The following TMEM230 variants were observed in gnomAD, a reference collection of about 807,000 sequenced individuals.
TMEM230 encodes the protein UPF0414 transmembrane protein C20orf30.
In TMEM230, 10 loss-of-function variants were observed where a neutral mutation model predicts 15.8. The ratio of observed to expected loss-of-function variants is 0.63; its 90% CI spans 0.39 to 1.07. TMEM230 has a LOEUF of 1.07. Among genes scored for constraint, TMEM230 ranks in the 50% least tolerant of loss-of-function variants. TMEM230 has a pLI of 0.01. For missense variants in TMEM230, 165 were observed against 193.3 expected (o/e 0.85, Z 0.87); for synonymous variants, 67 against 76.9 (o/e 0.87, Z 0.68).
chr20:5,108,150 T>A (rs1278986184), intron 3 of TMEM230, among the ~76,000 whole-genome samples: 1 of 151,672 alleles, frequency 6.6e-6, no homozygotes, highest in Non-Finnish European at 1.5e-5. Flanking sequence ...CTGGGCAAGG[T>A]GGCTCACGCC....
In TMEM230 at chr20:5,109,353, G is replaced by A. The variant is rs150715254; in HGVS notation, c.267C>T (p.Asp89=). ...TTACCTGAAGGTCAATGTAGCCATCGTCTGTGCTGGAGAGCCTTGAATATT... is the reference window on the plus strand; with the variant it reads ...TTACCTGAAGGTCAATGTAGCCATCATCTGTGCTGGAGAGCCTTGAATATT... Residue 89 remains aspartate, a synonymous_variant, in exon 3 of 5, where the codon GAC becomes GAT. Coordinates refer to ENST00000342308, the MANE Select transcript of TMEM230 (RefSeq NM_001009923.2). 2.5e-6 allele frequency: 4 copies of A among 1,612,796 alleles called. No homozygotes were observed. The highest frequency in any genetic ancestry group is 2.2e-5 in the South Asian group (2 of 90,984).
intron 3 of TMEM230, among the ~76,000 whole-genome samples, chr20:5,091,436 C>CCTGACCTCAGGTGATCCA (rs2089503938): frequency 6.6e-6 from 1 of 152,100 alleles, no homozygotes; most frequent in South Asian, 2.1e-4. Flanking sequence ...GTCTTGAACT[C>CCTGACCTCAGGTGATCCA]CTGACCTCAG....
intron 3 of TMEM230, among the ~76,000 whole-genome samples, chr20:5,077,753 G>C (rs2089048544): frequency 6.6e-6 from 1 of 152,010 alleles, no homozygotes; most frequent in Admixed American, 6.6e-5. Flanking sequence ...AGAATCACTT[G>C]AACCTGGGAG....
intron 4 of TMEM230, 38 bp downstream of exon 3, chr20:5,106,150 A>G: frequency 6.3e-7 from 1 of 1,596,014 alleles, no homozygotes; most frequent in African/African-American, 1.4e-5. Flanking sequence ...AACATTTTAA[A>G]AATCTCACAA....
At chr20:5,077,045 C>T (rs150040846) in intron 3 of TMEM230, among the ~76,000 whole-genome samples, 4,966 of 151,776 alleles carry the variant, frequency 0.033, 99 homozygotes, top group Admixed American at 0.061. Context: ...GTGGCTCACA[C>T]CTGTAATCCC....
chr20:5,087,650 C>G (rs2089382844), intron 3 of TMEM230, among the ~76,000 whole-genome samples: 2 of 149,100 alleles, frequency 1.3e-5, no homozygotes, highest in African/African-American at 4.9e-5. Flanking sequence ...TCTCTTCACT[C>G]TCAGCTTATC....
chr20:5,112,004 G>A (rs1181746633), intron 1 of TMEM230, among the ~76,000 whole-genome samples: 1 of 151,952 alleles, frequency 6.6e-6, no homozygotes, highest in Non-Finnish European at 1.5e-5. Context: ...CTGCTACCAC[G>A]CCCGGCTAAT....
chr20:5,097,035 T>G (rs1268637741), downstream of TMEM230, among the ~76,000 whole-genome samples: 2 of 152,236 alleles, frequency 1.3e-5, no homozygotes, highest in Non-Finnish European at 2.9e-5. Context: ...AAGGACTACC[T>G]GATTTTTCAA....
chr20:5,077,810 G>A (rs6053085), intron 3 of TMEM230, among the ~76,000 whole-genome samples: 2 of 152,026 alleles, frequency 1.3e-5, no homozygotes, highest in African/African-American at 4.8e-5. Flanking sequence ...CTCCAACCTG[G>A]GCAAGAGAGC....
downstream of TMEM230, among the ~76,000 whole-genome samples, chr20:5,099,428 G>A (rs562645755): frequency 6.6e-6 from 1 of 151,380 alleles, no homozygotes; most frequent in Non-Finnish European, 1.5e-5. Flanking sequence ...CCCTAATCTT[G>A]GAGGCTGCTT....
At chr20:5,110,573 C>T (rs1257655331) in intron 2 of TMEM230, among the ~76,000 whole-genome samples, 3 of 152,116 alleles carry the variant, frequency 2.0e-5, no homozygotes, top group South Asian at 2.1e-4. Flanking sequence ...GCCACTGTGC[C>T]GGGCCCCTTG....
intron 3 of TMEM230, among the ~76,000 whole-genome samples, chr20:5,089,946 G>C (rs2089460366): frequency 1.3e-5 from 2 of 152,174 alleles, no homozygotes; most frequent in African/African-American, 4.8e-5. Context: ...TTGAACCTGG[G>C]GGGCGGAGGT....
downstream of TMEM230, among the ~76,000 whole-genome samples, chr20:5,063,277 ATTTTT>A (rs1165126313): frequency 4.7e-4 from 41 of 86,410 alleles, no homozygotes; most frequent in African/African-American, 2.0e-3. Flanking sequence ...GCTGCTATGA[ATTTTT>A]TTTTTTTTTT....
chr20:5,060,784 A>G, the TMEM230 span, among the ~76,000 whole-genome samples: 1 of 151,896 alleles, frequency 6.6e-6, no homozygotes, highest in East Asian at 1.9e-4. Flanking sequence ...CTTTTGGGGG[A>G]CATTTGAGTT....
intron 4 of TMEM230, 84 bp from the exon 4 acceptor site, chr20:5,101,015 C>G (rs1174301973): frequency 6.6e-6 from 10 of 1,525,956 alleles, no homozygotes; most frequent in African/African-American, 2.8e-5. Context: ...ATCCTTAGAT[C>G]AGTATTTTAT....
At chr20:5,105,987 G>T (rs578126722) in intron 4 of TMEM230, among the ~76,000 whole-genome samples, 1 of 151,974 alleles carries the variant, frequency 6.6e-6, no homozygotes, top group Non-Finnish European at 1.5e-5. Context: ...GATCGCTTGA[G>T]CCCAGGGAGG....
chr20:5,087,478 G>A (rs1316457381), intron 3 of TMEM230, among the ~76,000 whole-genome samples: 1 of 151,622 alleles, frequency 6.6e-6, no homozygotes, highest in African/African-American at 2.4e-5. Flanking sequence ...GGGGATGGGA[G>A]TAAGGAAGGA....
chr20:5,095,214 G>A (rs1317282869), downstream of TMEM230, among the ~76,000 whole-genome samples: 2 of 152,188 alleles, frequency 1.3e-5, no homozygotes, highest in South Asian at 2.1e-4. Flanking sequence ...AGGAATGAAA[G>A]AACGGAGGCA....
At chr20:5,107,007 C>G (rs531079080) in intron 3 of TMEM230, among the ~76,000 whole-genome samples, 4 of 152,174 alleles carry the variant, frequency 2.6e-5, no homozygotes, top group Non-Finnish European at 5.9e-5. Flanking sequence ...CAAGCCCAGT[C>G]TCAAACACTT....
Sources: allele counts gnomAD v4.1 joint callset (sites outside exome capture counted in the v4.1 genomes callset), GRCh38; gene constraint gnomAD v4.1.1; transcripts MANE v1.5; gene names NCBI Gene and HGNC (gene_info 2026-07-23, HGNC 2026-07-21).